Variants in E4F1 observed in about 807,000 individuals in gnomAD.
The protein encoded by E4F1 is E4F transcription factor 1.
In E4F1, 30 loss-of-function variants were observed where a neutral mutation model predicts 72.9. That is an observed-to-expected ratio of 0.41 (90% confidence interval 0.31 to 0.56). The LOEUF (loss-of-function observed/expected upper bound fraction) is 0.56. Among genes scored for constraint, E4F1 ranks in the 20% least tolerant of loss-of-function variants. The probability of loss-of-function intolerance (pLI) is 0.25; values close to 1 mark genes in which losing one functional copy is unlikely to be tolerated. For missense variants in E4F1, 1,091 were observed against 1,117.5 expected, an observed-to-expected ratio of 0.98 and a Z score of 0.34; for synonymous variants, 542 against 478.2, an observed-to-expected ratio of 1.13 and a Z score of -1.74.
chr16:2,226,543 C>T (rs1162251695), intron 1 of E4F1, among the ~76,000 whole-genome samples: 1 of 152,210 alleles, frequency 6.6e-6, no homozygotes, highest in Non-Finnish European at 1.5e-5. Context: ...AACATTTGCC[C>T]AGCTCCTTCG....
Position 2,234,867 on chromosome 16 carries a change from C to T in E4F1, c.1801C>T (p.Leu601=), listed in dbSNP as rs2093495741. The T allele has an allele frequency of 1.9e-6, 3 of 1,549,868 alleles. No homozygotes were observed. In the Admixed American group the frequency reaches 5.9e-5, roughly 30 times the overall value. Reference sequence around the variant, plus strand: ...CGAGTCCCCACCCACAGGGGGCTGCCTGCTGGAGGTGGAGGAGTTGCTGGT... The same window carrying T: ...CGAGTCCCCACCCACAGGGGGCTGCTTGCTGGAGGTGGAGGAGTTGCTGGT... ...NRHLRTKGGC[L]LEVEELLVSE... is the part of the protein sequence containing the mutation. The change falls in exon 12 of 14, where the codon CTG becomes TTG. Residue 601 remains leucine (L), a synonymous_variant. Transcript: ENST00000301727.
rs182042349 is a variant in E4F1 at position 2,232,921 on chromosome 16, C to G, written c.883+13C>G. The G allele has an allele frequency of 2.6e-5, 42 of 1,613,038 alleles. No homozygotes were observed. Among genetic ancestry groups the G allele is most frequent in the Non-Finnish European group, 3.4e-5 (40 of 1,179,962 alleles). Reference sequence around the variant, plus strand: ...GACGCACGTGCAGGTCAGCATGGTGCGGGCAGCTGCCTGGTCCTGGGGGCT... The same window carrying G: ...GACGCACGTGCAGGTCAGCATGGTGGGGGCAGCTGCCTGGTCCTGGGGGCT... On this transcript the variant is annotated intron_variant, in intron 6 of 13. Coordinates refer to ENST00000301727, the MANE Select transcript of E4F1 (RefSeq NM_004424.5).
intron 3 of E4F1, chr16:2,230,276 G>A (rs27382): frequency 0.48 from 73,866 of 154,322 alleles, 17,978 homozygotes; most frequent in East Asian, 0.57. Context: ...CTCTCTCCCT[G>A]ATGTGCTGTG....
chr16:2,233,940 A>AGACCTTCCC lies in E4F1; in HGVS notation c.1329_1337dup (p.Phe444_Thr446dup). 35 of 1,603,526 alleles carry AGACCTTCCC rather than the reference A, an allele frequency of 2.2e-5. No homozygotes were observed. Among genetic ancestry groups the AGACCTTCCC allele is most frequent in the Non-Finnish European group, 2.9e-5 (34 of 1,175,502 alleles). ...ACCCACCCATGTCCTCAGTGCAGTG[A>AGACCTTCCC]GACCTTCCCGACAGCAGCCACCCTG... On this transcript the variant is annotated inframe_insertion, in exon 9 of 14. Coordinates refer to ENST00000301727, the MANE Select transcript of E4F1 (RefSeq NM_004424.5).
chr16:2,232,221 G>T lies in E4F1; in HGVS notation c.466G>T (p.Asp156Tyr), dbSNP rs765357279. 1.4e-5 allele frequency: 23 copies of T among 1,612,658 alleles called. No individual in the cohort carries two copies. In the South Asian group the frequency reaches 2.5e-4, roughly 18 times the overall value. The change falls in exon 4 of 14, where the codon GAC becomes TAC. Residue 156 changes from aspartate to tyrosine, a missense_variant. Transcript: ENST00000301727. ...VIVAAEAELG[D>Y]GEMAEAPGSP... ...CGTGGCTGCTGAGGCGGAGCTGGGA[G>T]ACGGTGAGATGGCCGAGGCCCCGGG...
Position 2,235,121 on chromosome 16 carries a change from T to A in E4F1, c.1976T>A (p.Ile659Asn). 1 of 1,611,172 alleles carries A rather than the reference T, an allele frequency of 6.2e-7. No homozygotes were observed. The highest frequency in any genetic ancestry group is 8.5e-7 in the Non-Finnish European group (1 of 1,179,626). Residue 659 changes from isoleucine to asparagine, a missense_variant, in exon 13 of 14, where the codon ATC (isoleucine) becomes AAC (asparagine). This residue lies in a region of E4F1 where 622 missense variants were observed against 628.0 expected (regional missense o/e 0.99). Transcript: ENST00000301727. The part of the protein sequence containing the change: ...DDAETSEATE[I>N]IEGTQTEVDS... ...GCGGAGACCAGTGAGGCCACGGAGATCATCGAGGGCACCCAGACAGAGGTG... is the reference window on the plus strand; with the variant it reads ...GCGGAGACCAGTGAGGCCACGGAGAACATCGAGGGCACCCAGACAGAGGTG...
intron 1 of E4F1, 105 bp from the exon 2 acceptor site, chr16:2,228,267 G>A (rs1170756048): frequency 6.8e-7 from 1 of 1,461,216 alleles, no homozygotes; most frequent in African/African-American, 1.4e-5. Context: ...TGCTTCTGAT[G>A]GCCTCCTGGG....
rs777200166 is a variant in E4F1 at position 2,234,940 on chromosome 16, C to T, written c.1874C>T (p.Pro625Leu). 8 of 1,576,296 alleles carry T rather than the reference C, an allele frequency of 5.1e-6. No homozygotes were observed. Among genetic ancestry groups the T allele is most frequent in the African/African-American group, 1.3e-5 (1 of 74,102 alleles). ...AAATTVLTED[P>L]HTVLVEFSSV... ...GCCACCACCGTCCTCACGGAAGACC[C>T]GCACACAGTGTTGGTGGAGTTCTCG... The change falls in exon 12 of 14, where the codon CCG (proline) becomes CTG (leucine). Residue 625 changes from proline to leucine, a missense_variant. Pro to Leu is a moderately conservative substitution (Grantham distance 98). Coordinates refer to ENST00000301727, the MANE Select transcript of E4F1 (RefSeq NM_004424.5).
intron 2 of E4F1, 93 bp downstream of exon 2, chr16:2,228,616 C>A: frequency 6.8e-7 from 1 of 1,475,332 alleles, no homozygotes; most frequent in Non-Finnish European, 9.2e-7. Context: ...GCAGCCGGTT[C>A]CGGGGGCCAC....
chr16:2,234,797 GGTGGGA>G lies in E4F1; in HGVS notation c.1792+18_1792+23del. 2 of 1,544,296 alleles carry G rather than the reference GGTGGGA, an allele frequency of 1.3e-6. No individual in the cohort carries two copies. The highest frequency in any genetic ancestry group is 2.4e-5 in the South Asian group (2 of 83,886). On this transcript the variant is annotated intron_variant, in intron 11 of 13. Transcript: ENST00000301727. Reference sequence around the variant, plus strand: ...CGCACCAAAGGTCTGGGCCGGTGGAGGTGGGAGGGGGAGGGGAGGGGGCCGGGGCTT... The same window carrying G: ...CGCACCAAAGGTCTGGGCCGGTGGAGGGGGGAGGGGAGGGGGCCGGGGCTT...
At chr16:2,226,080 G>A (rs971489610) in intron 1 of E4F1, among the ~76,000 whole-genome samples, 1 of 151,848 alleles carries the variant, frequency 6.6e-6, no homozygotes, top group Non-Finnish European at 1.5e-5. Context: ...GCAACAAAGC[G>A]AGACTCCGCC....
intron 2 of E4F1, among the ~76,000 whole-genome samples, chr16:2,228,778 C>T (rs1404794517): frequency 6.6e-6 from 1 of 152,212 alleles, no homozygotes; most frequent in Non-Finnish European, 1.5e-5. Flanking sequence ...GCCGGGATCT[C>T]TTCTTTCTTG....
chr16:2,223,909 A>G, intron 1 of E4F1, 139 bp downstream of exon 1: 1 of 1,531,198 alleles, frequency 6.5e-7, no homozygotes, highest in Non-Finnish European at 8.7e-7. Context: ...GGACCCTCAC[A>G]GCCCTCCACG....
chr16:2,223,685 A>T lies in E4F1; in HGVS notation c.72A>T (p.Glu24Asp). ...AAGCCCAGGCCGAAGCCGGGCGGGA[A>T]GCGGGCGAGGGTGCAGTTGCGGCGG... ...TAEAQAEAGR[E>D]AGEGAVAAVA... is the part of the protein sequence containing the mutation. The change falls in exon 1 of 14, where the codon GAA (glutamate) becomes GAT (aspartate). Residue 24 changes from glutamate (E) to aspartate (D), a missense_variant. Glu to Asp is a conservative substitution (Grantham distance 45, BLOSUM62 2). Transcript: ENST00000301727. 1 of 1,578,870 alleles carries T rather than the reference A, an allele frequency of 6.3e-7. No individual in the cohort carries two copies. The highest frequency in any genetic ancestry group is 8.5e-7 in the Non-Finnish European group (1 of 1,170,540).
chr16:2,235,125 C>G lies in E4F1; in HGVS notation c.1980C>G (p.Ile660Met). ...AGACCAGTGAGGCCACGGAGATCAT[C>G]GAGGGCACCCAGACAGAGGTGAGGG... Reference protein sequence around the residue: ...DAETSEATEIIEGTQTEVDSH... With the variant: ...DAETSEATEIMEGTQTEVDSH... Residue 660 changes from isoleucine (I) to methionine (M), a missense_variant, in exon 13 of 14, where the codon ATC becomes ATG. Ile to Met is a conservative substitution (Grantham distance 10). Transcript: ENST00000301727. The G allele has an allele frequency of 6.2e-7, 1 of 1,612,006 alleles. No individual in the cohort carries two copies. Among genetic ancestry groups the G allele is most frequent in the Non-Finnish European group, 8.5e-7 (1 of 1,179,848 alleles).
chr16:2,234,702 C>A lies in E4F1; in HGVS notation c.1713C>A (p.Gly571=). The part of the protein sequence containing the change: ...SLVRHVRHHT[G]EKPFKCYKCG... ...TGCGGCACGTGCGACACCACACAGG[C>A]GAGAAGCCGTTCAAGTGCTACAAGT... The change falls in exon 11 of 14, where the codon GGC becomes GGA. Residue 571 remains glycine (G), a synonymous_variant. Transcript: ENST00000301727. 6.4e-7 allele frequency: 1 copy of A among 1,571,364 alleles called. No homozygotes were observed. Among genetic ancestry groups the A allele is most frequent in the Non-Finnish European group, 8.6e-7 (1 of 1,158,204 alleles).
intron 1 of E4F1, 175 bp downstream of exon 1, chr16:2,223,945 C>G: frequency 6.5e-7 from 1 of 1,527,290 alleles, no homozygotes; most frequent in Non-Finnish European, 8.7e-7. Flanking sequence ...CTGCGACCCT[C>G]ACGGGCCTCT....
rs1158730449 is a variant in E4F1 at position 2,235,004 on chromosome 16, G to A, written c.1935+3G>A. ...ACACCCAGGAGTATATCATCGAGGT[G>A]GGTGTGGGGCCCTGGGGCCGTGCTG... is the stretch of plus-strand genomic sequence containing the variant. On this transcript the variant is annotated splice_donor_region_variant and intron_variant, in intron 12 of 13. Coordinates refer to ENST00000301727, the MANE Select transcript of E4F1 (RefSeq NM_004424.5). 1.9e-6 allele frequency: 3 copies of A among 1,611,642 alleles called. No individual in the cohort carries two copies. Among genetic ancestry groups the A allele is most frequent in the Non-Finnish European group, 2.5e-6 (3 of 1,179,454 alleles).
chr16:2,231,925 A>G (rs945926064), intron 3 of E4F1: 1 of 542,438 alleles, frequency 1.8e-6, no homozygotes, highest in South Asian at 2.2e-5. Context: ...CTGTGGACAC[A>G]TTTAGGGGCC....
Sources: gnomAD v4.1 joint callset for allele counts (sites outside exome capture counted in the v4.1 genomes callset) on GRCh38, gnomAD v4.1.1 for gene constraint, gnomAD v4.1.1 regional missense constraint, MANE v1.5 for transcripts, NCBI Gene and HGNC (gene_info 2026-07-23, HGNC 2026-07-21) for gene names.